The following RREB1 variants were observed in gnomAD, a reference collection of about 807,000 sequenced individuals.
The protein encoded by RREB1 is ras responsive element binding protein 1, also known as ras-responsive element-binding protein 1.
RREB1 carries 27 observed loss-of-function variants against 117.8 expected under a neutral mutation model. The observed-to-expected ratio is 0.23, with a 90% confidence interval of 0.17 to 0.32. The LOEUF is 0.32. Ranked by LOEUF, RREB1 falls within the 10% of genes least tolerant of loss-of-function variation. The probability of loss-of-function intolerance (pLI) is 1.00; values close to 1 mark genes in which losing one functional copy is unlikely to be tolerated. For missense variants in RREB1, 2,577 were observed against 2,378.2 expected, an observed-to-expected ratio of 1.08 and a Z score of -1.74; for synonymous variants, 1,298 against 1,026.7, an observed-to-expected ratio of 1.26 and a Z score of -5.05.
intron 1 of RREB1, among the ~76,000 whole-genome samples, chr6:7,162,601 T>A (rs1561753438): frequency 6.6e-6 from 1 of 152,168 alleles, no homozygotes; most frequent in Non-Finnish European, 1.5e-5. Flanking sequence ...TAGCCTTAGA[T>A]GTCTGAGGAT....
At chr6:7,141,151 T>G (rs890267512) in intron 1 of RREB1, among the ~76,000 whole-genome samples, 1 of 151,870 alleles carries the variant, frequency 6.6e-6, no homozygotes, top group Non-Finnish European at 1.5e-5. Flanking sequence ...CCCCCAGGGC[T>G]CCCGCGGTGG....
rs756650259 is a variant in RREB1 at position 7,231,128 on chromosome 6, G to T, written c.3029G>T (p.Gly1010Val). The change falls in exon 10 of 13, where the codon GGC (glycine) becomes GTC (valine). Residue 1010 changes from glycine (G) to valine (V), a missense_variant. By Grantham distance (109) the Gly-to-Val change is moderately radical. Transcript: ENST00000379938. ...TPEPPAQPLQGPVQLAVPIYS... is the reference protein window; with the variant it reads ...TPEPPAQPLQVPVQLAVPIYS... The stretch of plus-strand genomic sequence containing the variant: ...GAACCCCCAGCACAGCCCCTGCAGG[G>T]CCCTGTTCAGCTGGCGGTCCCAATC... The T allele has an allele frequency of 6.8e-6, 11 of 1,612,528 alleles. No homozygotes were observed. Among genetic ancestry groups the T allele is most frequent in the Middle Eastern group, 1.6e-4 (1 of 6,076 alleles).
At chr6:7,115,796 C>A (rs1581401193) in intron 1 of RREB1, among the ~76,000 whole-genome samples, 1 of 152,172 alleles carries the variant, frequency 6.6e-6, no homozygotes, top group African/African-American at 2.4e-5. Flanking sequence ...GTACCTTACC[C>A]TGCAGGTACT....
At position 7,231,767 on chromosome 6, in the gene RREB1, A is replaced by G. The variant is rs1767998413; in HGVS notation, c.3668A>G (p.Gln1223Arg). The G allele has an allele frequency of 6.2e-7, 1 of 1,613,768 alleles. No individual in the cohort carries two copies. The highest frequency in any genetic ancestry group is 1.7e-5 in the Admixed American group (1 of 60,006). ...ADHHGPSDEE[Q>R]GSPPEDKLLR... The stretch of plus-strand genomic sequence containing the variant: ...CACCATGGGCCCAGTGATGAAGAGC[A>G]GGGCAGTCCCCCAGAAGACAAGCTG... The change falls in exon 10 of 13, where the codon CAG becomes CGG. Residue 1223 changes from glutamine to arginine, a missense_variant. By Grantham distance (43) the Gln-to-Arg change is conservative (BLOSUM62 1). Coordinates refer to ENST00000379938, the MANE Select transcript of RREB1 (RefSeq NM_001003699.4).
At chr6:7,142,087 CG>C (rs1223162311) in intron 1 of RREB1, among the ~76,000 whole-genome samples, 5 of 152,116 alleles carry the variant, frequency 3.3e-5, no homozygotes, top group African/African-American at 1.2e-4. Context: ...TGGTGGCGTG[CG>C]CCTGTGATCC....
intron 2 of RREB1, among the ~76,000 whole-genome samples, chr6:7,180,915 G>A (rs1764760182): frequency 6.6e-6 from 1 of 151,938 alleles, no homozygotes; most frequent in African/African-American, 2.4e-5. Context: ...GGGAGTGTGC[G>A]TAACAGGCAG....
At chr6:7,244,829 C>T (rs191394638) in intron 11 of RREB1, among the ~76,000 whole-genome samples, 5 of 152,296 alleles carry the variant, frequency 3.3e-5, no homozygotes, top group Admixed American at 1.3e-4. Flanking sequence ...GACCTCAGGA[C>T]GGGGCAGAAC....
intron 1 of RREB1, among the ~76,000 whole-genome samples, chr6:7,121,327 G>T (rs895581339): frequency 6.6e-6 from 1 of 152,052 alleles, no homozygotes; most frequent in African/African-American, 2.4e-5. Context: ...TTGAGCATAG[G>T]GTTCATGGGA....
intron 1 of RREB1, among the ~76,000 whole-genome samples, chr6:7,136,844 CGTGTT>C (rs1217245516): frequency 6.6e-6 from 1 of 152,180 alleles, no homozygotes; most frequent in African/African-American, 2.4e-5. Flanking sequence ...GTTAACCAAA[CGTGTT>C]GTGTTTGCCT....
intron 1 of RREB1, among the ~76,000 whole-genome samples, chr6:7,137,763 T>A (rs1762404726): frequency 6.6e-6 from 1 of 152,038 alleles, no homozygotes; most frequent in African/African-American, 2.4e-5. Flanking sequence ...ATGAGAGTCA[T>A]TTCACGGCCG....
chr6:7,188,571 A>G (rs141975699), intron 5 of RREB1, among the ~76,000 whole-genome samples: 104 of 152,184 alleles, frequency 6.8e-4, no homozygotes, highest in African/African-American at 2.5e-3. Flanking sequence ...TGGCCAATTC[A>G]TGACAAAATA....
intron 1 of RREB1, among the ~76,000 whole-genome samples, chr6:7,152,944 C>G (rs1043071291): frequency 6.6e-6 from 1 of 152,112 alleles, no homozygotes; most frequent in African/African-American, 2.4e-5. Context: ...AGGTCCTATG[C>G]GATTCTCTTA....
At chr6:7,179,127 T>C (rs1764656585) in intron 2 of RREB1, among the ~76,000 whole-genome samples, 1 of 152,226 alleles carries the variant, frequency 6.6e-6, no homozygotes, top group South Asian at 2.1e-4. Context: ...CTCCACTTCC[T>C]TCCCTTATTC....
At chr6:7,176,359 C>A (rs570614394) in intron 1 of RREB1, among the ~76,000 whole-genome samples, 2 of 152,176 alleles carry the variant, frequency 1.3e-5, no homozygotes, top group African/African-American at 4.8e-5. Flanking sequence ...AGCTCCCCCC[C>A]GGAGCCAGTG....
At chr6:7,212,433 A>G (rs1766665299) in intron 8 of RREB1, 1 of 152,226 alleles carries the variant, frequency 6.6e-6, no homozygotes, top group Non-Finnish European at 1.5e-5. Context: ...CTGATAACTC[A>G]TCAGGCAACC....
chr6:7,158,576 T>C (rs1763496858), intron 1 of RREB1, among the ~76,000 whole-genome samples: 2 of 152,128 alleles, frequency 1.3e-5, no homozygotes. Flanking sequence ...ATACCCTTCC[T>C]CTTACACTAC....
Position 7,229,015 on chromosome 6 carries a change from C to T in RREB1, c.916C>T (p.Leu306=), listed in dbSNP as rs114528151. ...RISQAWCETN[L]RRCISEQHRF... ...TATATAGGCCTGGTGCGAAACAAAC[C>T]TGCGGAGGTGCATCAGCGAGCAACA... is the stretch of plus-strand genomic sequence containing the variant. The change falls in exon 10 of 13, where the codon CTG becomes TTG. Residue 306 remains leucine, a synonymous_variant. Coordinates refer to ENST00000379938, the MANE Select transcript of RREB1 (RefSeq NM_001003699.4). The surrounding 1 kb of genome is among the most constrained non-coding windows in gnomAD (Gnocchi z 4.5). 5.9e-5 allele frequency: 91 copies of T among 1,530,866 alleles called. 1 individual carries two copies. Among genetic ancestry groups the T allele is most frequent in the Non-Finnish European group, 7.7e-5 (87 of 1,135,212 alleles). 94.8% of individuals were successfully genotyped at this position (1,530,866 alleles called of 1,614,324 possible).
Position 7,108,040 on chromosome 6 carries a change from A to T in RREB1, c.-305A>T, listed in dbSNP as rs994496756. On this transcript the variant is annotated 5_prime_UTR_variant, in exon 1 of 13. Transcript: ENST00000379938. ...CGGTCCCCAACGCATCATGCCAGGG[A>T]GCCAAGCGTCCTGCCCGGCCGTAAG... 1 of 152,372 alleles carries T rather than the reference A, an allele frequency of 6.6e-6. No individual in the cohort carries two copies. The highest frequency in any genetic ancestry group is 2.1e-4 in the South Asian group (1 of 4,836). The allele number at this position is 152,372 out of a possible 1,614,324, so 9.4% of individuals were successfully genotyped here.
At chr6:7,110,780 T>C (rs574142089) in intron 1 of RREB1, among the ~76,000 whole-genome samples, 68 of 152,356 alleles carry the variant, frequency 4.5e-4, no homozygotes, top group African/African-American at 1.5e-3. Context: ...CATTTTAGAA[T>C]GTCTTGTTTT....
Sources: allele counts gnomAD v4.1 joint callset (sites outside exome capture counted in the v4.1 genomes callset), GRCh38; gene constraint gnomAD v4.1.1; non-coding constraint Gnocchi (gnomAD v3.1); transcripts MANE v1.5; gene names NCBI Gene and HGNC (gene_info 2026-07-23, HGNC 2026-07-21).